TMEM114: variants seen among roughly 807,000 people sequenced by gnomAD.
TMEM114 encodes claudin-26.
TMEM114 carries 6 observed loss-of-function variants against 6.2 expected under a neutral mutation model. The ratio of observed to expected loss-of-function variants is 0.97; its 90% CI spans 0.53 to 1.91. The LOEUF (loss-of-function observed/expected upper bound fraction) is 1.91. Among genes scored for constraint, TMEM114 ranks in the 40% most tolerant of loss-of-function variants. TMEM114 has a pLI of 0.01. For synonymous variants in TMEM114, 104 were observed against 73.0 expected (o/e 1.42, Z -2.16); for missense variants, 218 against 158.3 (o/e 1.38, Z -2.02).
rs772790285 is a variant in TMEM114, at chr16:8,569,985, T to G, written c.460A>C (p.Ile154Leu). The G allele has an allele frequency of 1.6e-5, 25 of 1,550,384 alleles. No homozygotes were observed. In the South Asian group the frequency reaches 2.9e-4, roughly 18 times the overall value. ...GCTGAATACGCTATGTAGACGCTGATCCCAGCGAGGGTCACCATGGCTGCA... is the reference window on the plus strand; with the variant it reads ...GCTGAATACGCTATGTAGACGCTGAGCCCAGCGAGGGTCACCATGGCTGCA... ...LFGAMVTLAG[I>L]SVYIAYSAAA... Residue 154 changes from isoleucine (I) to leucine (L), a missense_variant, in exon 4 of 4, where the codon ATC becomes CTC. Coordinates refer to ENST00000620492, the MANE Select transcript of TMEM114 (RefSeq NM_001146336.2).
At chr16:8,572,308 C>A (rs1474114906) in intron 2 of TMEM114, 84 bp from the exon 3 acceptor site, 2 of 1,483,264 alleles carry the variant, frequency 1.3e-6, no homozygotes, top group Non-Finnish European at 1.8e-6. Context: ...CGAGCACCTA[C>A]TAGAGCTGGG....
downstream of TMEM114, among the ~76,000 whole-genome samples, chr16:8,535,368 A>T (rs1342605363): frequency 6.6e-6 from 1 of 152,032 alleles, no homozygotes; most frequent in Non-Finnish European, 1.5e-5. Flanking sequence ...TCAGAGTGAA[A>T]CATAGATCTC....
intron 2 of TMEM114, among the ~76,000 whole-genome samples, chr16:8,579,360 T>C (rs914369559): frequency 3.3e-5 from 5 of 152,224 alleles, no homozygotes; most frequent in Admixed American, 3.3e-4. Flanking sequence ...ACCACCTTTA[T>C]TTCCTAACCT....
chr16:8,576,461 A>G (rs1385972944), intron 2 of TMEM114, among the ~76,000 whole-genome samples: 2 of 152,110 alleles, frequency 1.3e-5, no homozygotes, highest in Admixed American at 1.3e-4. Context: ...GGGTGTCCCC[A>G]CTGGTCTCTG....
intron 2 of TMEM114, among the ~76,000 whole-genome samples, chr16:8,582,378 C>T (rs541339953): frequency 6.6e-6 from 1 of 152,202 alleles, no homozygotes; most frequent in Non-Finnish European, 1.5e-5. Context: ...CTGGAACATA[C>T]CAAGCTCAGT....
At chr16:8,562,409 T>A (rs1901273767) in intron 2 of TMEM114, among the ~76,000 whole-genome samples, 1 of 139,478 alleles carries the variant, frequency 7.2e-6, no homozygotes, top group Admixed American at 7.1e-5. Flanking sequence ...AGTGAATGAG[T>A]AAATGAGTGA....
the TMEM114 span, among the ~76,000 whole-genome samples, chr16:8,526,941 C>T: frequency 1.3e-5 from 2 of 152,224 alleles, no homozygotes; most frequent in Non-Finnish European, 2.9e-5. Context: ...GGCACGGTGG[C>T]TCGTGCCTGT....
At chr16:8,582,036 G>T (rs560890169) in intron 2 of TMEM114, among the ~76,000 whole-genome samples, 2 of 152,176 alleles carry the variant, frequency 1.3e-5, no homozygotes, top group Admixed American at 1.3e-4. Context: ...ACCAGGCATC[G>T]TGGGTGGGCT....
the TMEM114 span, among the ~76,000 whole-genome samples, chr16:8,531,635 T>C: frequency 1.3e-5 from 2 of 152,200 alleles, no homozygotes; most frequent in African/African-American, 4.8e-5. Context: ...CTGAAAGAGA[T>C]GTGTGATTTT....
At chr16:8,528,165 T>C in the TMEM114 span, among the ~76,000 whole-genome samples, 1 of 152,124 alleles carries the variant, frequency 6.6e-6, no homozygotes, top group Non-Finnish European at 1.5e-5. Context: ...CCTCCCAAAG[T>C]GCTAGAACTA....
intron 2 of TMEM114, among the ~76,000 whole-genome samples, chr16:8,576,614 C>A (rs764978226): frequency 1.6e-4 from 24 of 152,116 alleles, no homozygotes; most frequent in Middle Eastern, 3.2e-3. Context: ...TATTCTTGCA[C>A]ATCCCTGAAT....
intron 2 of TMEM114, among the ~76,000 whole-genome samples, chr16:8,549,766 C>G (rs917792375): frequency 8.5e-5 from 13 of 152,056 alleles, no homozygotes; most frequent in Non-Finnish European, 7.4e-5. Flanking sequence ...GAGTAAGTAA[C>G]AGAACTTCTA....
chr16:8,528,622 G>A, the TMEM114 span, among the ~76,000 whole-genome samples: 1 of 152,132 alleles, frequency 6.6e-6, no homozygotes, highest in African/African-American at 2.4e-5. Flanking sequence ...ACATAATGAG[G>A]GGATAACCCG....
At chr16:8,588,844 C>G (rs1902395596) in intron 2 of TMEM114, among the ~76,000 whole-genome samples, 1 of 152,232 alleles carries the variant, frequency 6.6e-6, no homozygotes, top group Admixed American at 6.5e-5. Flanking sequence ...TAATTTAGGT[C>G]CCTGCAGGGG....
At chr16:8,567,709 C>T (rs958670705), downstream of TMEM114, among the ~76,000 whole-genome samples, 2 of 152,156 alleles carry the variant, frequency 1.3e-5, no homozygotes, top group Non-Finnish European at 2.9e-5. Context: ...AACTCTGGCC[C>T]TGCAGTATTT....
intron 2 of TMEM114, among the ~76,000 whole-genome samples, chr16:8,581,192 C>G (rs761357221): frequency 6.6e-6 from 1 of 152,158 alleles, no homozygotes; most frequent in African/African-American, 2.4e-5. Context: ...TCCTGCTGCC[C>G]ATAACACTCT....
At chr16:8,567,569 C>G (rs941912419), downstream of TMEM114, among the ~76,000 whole-genome samples, 9 of 152,142 alleles carry the variant, frequency 5.9e-5, no homozygotes, top group African/African-American at 2.2e-4. Flanking sequence ...TCATAGGATG[C>G]GAGGAGCATC....
Position 8,569,981 on chromosome 16 carries a change from C to A in TMEM114, c.464G>T (p.Ser155Ile). Residue 155 changes from serine (S) to isoleucine (I), a missense_variant, in exon 4 of 4, where the codon AGC becomes ATC. By Grantham distance (142) the Ser-to-Ile change is moderately radical (BLOSUM62 -2). Coordinates refer to ENST00000620492, the MANE Select transcript of TMEM114 (RefSeq NM_001146336.2). ...FGAMVTLAGI[S>I]VYIAYSAAAF... ...GGCGGCTGAATACGCTATGTAGACG[C>A]TGATCCCAGCGAGGGTCACCATGGC... 1 of 1,550,612 alleles carries A rather than the reference C, an allele frequency of 6.4e-7. No individual in the cohort carries two copies. Among genetic ancestry groups the A allele is most frequent in the African/African-American group, 1.4e-5 (1 of 73,164 alleles).
intron 2 of TMEM114, among the ~76,000 whole-genome samples, chr16:8,549,502 A>G (rs1255659502): frequency 1.7e-5 from 1 of 60,332 alleles, no homozygotes; most frequent in African/African-American, 1.1e-4. Context: ...CTCCGTCTCG[A>G]AAAAAAAAAA....
Sources: allele counts gnomAD v4.1 joint callset (sites outside exome capture counted in the v4.1 genomes callset), GRCh38; gene constraint gnomAD v4.1.1; transcripts MANE v1.5; gene names NCBI Gene and HGNC (gene_info 2026-07-23, HGNC 2026-07-21).